SFT2D2: variants seen among roughly 807,000 people sequenced by gnomAD.
SFT2D2 encodes vesicle transport protein SFT2B.
In SFT2D2, 21 loss-of-function variants were observed where a neutral mutation model predicts 27.4. That is an observed-to-expected ratio of 0.77 (90% confidence interval 0.54 to 1.10). SFT2D2 has a LOEUF of 1.10. Ranked by LOEUF, SFT2D2 falls within the 50% of genes least tolerant of loss-of-function variation. The pLI is 0.00. For synonymous variants in SFT2D2, 72 were observed against 71.7 expected, an observed-to-expected ratio of 1.00 and a Z score of -0.02; for missense variants, 187 against 194.2, an observed-to-expected ratio of 0.96 and a Z score of 0.22.
intron 7 of SFT2D2, among the ~76,000 whole-genome samples, chr1:168,240,409 G>C (rs1178592143): frequency 6.6e-6 from 1 of 152,106 alleles, no homozygotes; most frequent in Non-Finnish European, 1.5e-5. Flanking sequence ...TGCAGACCTG[G>C]CTGGTTTTGG....
chr1:168,239,692 C>A (rs1259496924), intron 7 of SFT2D2, among the ~76,000 whole-genome samples: 1 of 152,096 alleles, frequency 6.6e-6, no homozygotes, highest in South Asian at 2.1e-4. Flanking sequence ...TGGTCTAGAT[C>A]ATCTCCAGAG....
At position 168,245,534 on chromosome 1, in the gene SFT2D2, T is replaced by C. The variant is rs1217100046; in HGVS notation, c.*2994T>C. ...TCTTTCCCATATTAATCTATAGATATAATGCAGTCCCCATCCAAAGCCAAG... is the reference window on the plus strand; with the variant it reads ...TCTTTCCCATATTAATCTATAGATACAATGCAGTCCCCATCCAAAGCCAAG... On this transcript the variant is annotated 3_prime_UTR_variant, in exon 8 of 8. Coordinates refer to ENST00000271375, the MANE Select transcript of SFT2D2 (RefSeq NM_199344.3). The C allele has an allele frequency of 2.0e-5, 3 of 149,594 alleles. No homozygotes were observed. The East Asian group carries it at 5.9e-4, about 29-fold the overall frequency. The allele number at this position is 149,594 out of a possible 1,614,324, so 9.3% of individuals were successfully genotyped here.
chr1:168,242,771 A>G lies in SFT2D2; in HGVS notation c.*231A>G, dbSNP rs1647683374. 1.8e-6 allele frequency: 1 copy of G among 546,526 alleles called. No homozygotes were observed. The allele number at this position is 546,526 out of a possible 1,614,324, so 33.9% of individuals were successfully genotyped here. ...GTGGGTTCTGTATCTTGTGGAGTGG[A>G]ATCTTCCTCATGTACCTGTTTCCTC... On this transcript the variant is annotated 3_prime_UTR_variant, in exon 8 of 8. Coordinates refer to ENST00000271375, the MANE Select transcript of SFT2D2 (RefSeq NM_199344.3).
intron 6 of SFT2D2, among the ~76,000 whole-genome samples, chr1:168,237,899 T>A (rs1647545720): frequency 6.6e-6 from 1 of 150,846 alleles, no homozygotes; most frequent in South Asian, 2.1e-4. Flanking sequence ...ATTTGAGTGG[T>A]AGACTGTTTA....
chr1:168,229,015 G>T (rs556631996), intron 1 of SFT2D2, among the ~76,000 whole-genome samples: 1 of 152,332 alleles, frequency 6.6e-6, no homozygotes, highest in South Asian at 2.1e-4. Context: ...GAATGTAAAA[G>T]AACTTGCAAC....
At position 168,243,060 on chromosome 1, in the gene SFT2D2, A is replaced by G. The variant is rs1245996631; in HGVS notation, c.*520A>G. ...AGACAAGCCCCTGGAGAGCCTGGCC[A>G]TGGAGTGAGGTAGAAAAGAAGCACT... On this transcript the variant is annotated 3_prime_UTR_variant, in exon 8 of 8. Coordinates refer to ENST00000271375, the MANE Select transcript of SFT2D2 (RefSeq NM_199344.3). The G allele has an allele frequency of 1.3e-5, 2 of 157,886 alleles. No homozygotes were observed. Among genetic ancestry groups the G allele is most frequent in the African/African-American group, 2.4e-5 (1 of 41,558 alleles). 9.8% of individuals were successfully genotyped at this position (157,886 alleles called of 1,614,324 possible). A position where few individuals can be genotyped will look rare whatever the true frequency, so the allele number is the denominator to read the frequency against.
chr1:168,227,083 G>A (rs1385555238), intron 1 of SFT2D2, among the ~76,000 whole-genome samples: 1 of 152,164 alleles, frequency 6.6e-6, no homozygotes, highest in Non-Finnish European at 1.5e-5. Context: ...GCCTCCCAAA[G>A]TGCTGGGATT....
chr1:168,237,008 G>A (rs1349254392), intron 6 of SFT2D2, among the ~76,000 whole-genome samples: 1 of 152,196 alleles, frequency 6.6e-6, no homozygotes, highest in African/African-American at 2.4e-5. Flanking sequence ...TTGTTTGCCT[G>A]CTGTGGCATT....
chr1:168,234,124 G>A lies in SFT2D2; in HGVS notation c.237-977G>A, dbSNP rs568026971. ...ACAGAAAGCATGCTGGGGGCCAGGC[G>A]CAGTGGCTCACGCCTATAATTCCAG... On this transcript the variant is annotated intron_variant, in intron 3 of 7. Coordinates refer to ENST00000271375, the MANE Select transcript of SFT2D2 (RefSeq NM_199344.3). 2.6e-5 allele frequency among the ~76,000 whole-genome samples: 4 copies of A among 152,228 alleles called. No individual in the cohort carries two copies. The South Asian group carries it at 6.2e-4, about 24-fold the overall frequency.
intron 6 of SFT2D2, among the ~76,000 whole-genome samples, chr1:168,237,861 G>GT (rs34474940): frequency 0.013 from 1,261 of 98,336 alleles, 5 homozygotes; most frequent in Middle Eastern, 0.025. Flanking sequence ...GTGTGTGTAT[G>GT]TTTTTTTTTT....
At chr1:168,230,906 C>G (rs1395279918) in intron 1 of SFT2D2, among the ~76,000 whole-genome samples, 1 of 98,208 alleles carries the variant, frequency 1.0e-5, no homozygotes, top group Non-Finnish European at 2.6e-5. Flanking sequence ...ATGGCAAAGA[C>G]TCAGGATGTA....
At chr1:168,240,973 G>A (rs1647630291) in intron 7 of SFT2D2, among the ~76,000 whole-genome samples, 1 of 152,134 alleles carries the variant, frequency 6.6e-6, no homozygotes, top group Admixed American at 6.5e-5. Flanking sequence ...ACCCAATGTG[G>A]ACCCTTCTGA....
At position 168,249,745 on chromosome 1, in the gene SFT2D2, T is replaced by C. The variant is rs1647908368; in HGVS notation, c.*7205T>C. The C allele has an allele frequency of 6.6e-6, 1 of 152,590 alleles. No homozygotes were observed. The highest frequency in any genetic ancestry group is 6.5e-5 in the Admixed American group (1 of 15,280). The allele number at this position is 152,590 out of a possible 1,614,324, so 9.5% of individuals were successfully genotyped here. ...CTCAGTTTGTTCATCTGTTTAAAAATTGTGGGAATAACAGTTCCTGCTGGG... is the reference window on the plus strand; with the variant it reads ...CTCAGTTTGTTCATCTGTTTAAAAACTGTGGGAATAACAGTTCCTGCTGGG... On this transcript the variant is annotated 3_prime_UTR_variant, in exon 8 of 8. Transcript: ENST00000271375.
intron 6 of SFT2D2, among the ~76,000 whole-genome samples, chr1:168,237,587 A>G (rs1055466318): frequency 9.2e-5 from 14 of 152,202 alleles, no homozygotes; most frequent in Admixed American, 3.3e-4. Context: ...CTATTTTTGA[A>G]AAAAATGTTT....
At chr1:168,229,243 G>A (rs1349169420) in intron 1 of SFT2D2, among the ~76,000 whole-genome samples, 1 of 152,148 alleles carries the variant, frequency 6.6e-6, no homozygotes, top group Non-Finnish European at 1.5e-5. Flanking sequence ...GAGACTGAGC[G>A]GAGTCTCGCT....
intron 1 of SFT2D2, among the ~76,000 whole-genome samples, chr1:168,227,743 A>G (rs887096892): frequency 4.6e-5 from 7 of 152,122 alleles, no homozygotes; most frequent in Non-Finnish European, 8.8e-5. Context: ...CTTTATTTCC[A>G]TAGACTGTCA....
rs1647716132 is a variant in SFT2D2, at chr1:168,243,737, C to A, written c.*1197C>A. 6.5e-6 allele frequency: 1 copy of A among 152,738 alleles called. No homozygotes were observed. The highest frequency in any genetic ancestry group is 1.5e-5 in the Non-Finnish European group (1 of 68,444). The allele number at this position is 152,738 out of a possible 1,614,324, so 9.5% of individuals were successfully genotyped here. On this transcript the variant is annotated 3_prime_UTR_variant, in exon 8 of 8. Transcript: ENST00000271375. ...ATCCACCCAAAGCCACAGCTTCAGC[C>A]TCCTTCATGACCCCAGAGTTTCCTG...
rs1647950809 is a variant in SFT2D2, at chr1:168,251,505, C to T, written c.*8965C>T. 6.6e-6 allele frequency: 1 copy of T among 152,070 alleles called. No individual in the cohort carries two copies. The highest frequency in any genetic ancestry group is 6.6e-5 in the Admixed American group (1 of 15,258). The allele number at this position is 152,070 out of a possible 1,614,324, so 9.4% of individuals were successfully genotyped here. A position where few individuals can be genotyped will look rare whatever the true frequency, so the allele number is the denominator to read the frequency against. On this transcript the variant is annotated 3_prime_UTR_variant, in exon 8 of 8. Coordinates refer to ENST00000271375, the MANE Select transcript of SFT2D2 (RefSeq NM_199344.3). The stretch of plus-strand genomic sequence containing the variant: ...AAGGGCAGCCCAGTGGCTATGGATT[C>T]TATTTTCTATGGGACTGTCTACGCC...
Position 168,236,043 on chromosome 1 carries a change from T to TC in SFT2D2, c.319-545dup, listed in dbSNP as rs1448509303. 2.6e-5 allele frequency among the ~76,000 whole-genome samples: 4 copies of TC among 152,320 alleles called. No homozygotes were observed. In the East Asian group the frequency reaches 7.7e-4, roughly 29 times the overall value. On this transcript the variant is annotated intron_variant, in intron 4 of 7. Transcript: ENST00000271375. ...GGCGAAGAAAGGCATGGCTGACTGC[T>TC]CTAGCACCAGTTGTCCTTGGCCAGC...
Sources: gnomAD v4.1 joint callset for allele counts (sites outside exome capture counted in the v4.1 genomes callset) on GRCh38, gnomAD v4.1.1 for gene constraint, MANE v1.5 for transcripts, NCBI Gene and HGNC (gene_info 2026-07-23, HGNC 2026-07-21) for gene names.